The following PDE4A variants were observed in gnomAD, a reference collection of about 807,000 sequenced individuals.
PDE4A encodes the protein 3',5'-cyclic-AMP phosphodiesterase 4A.
A neutral mutation model predicts 73.9 loss-of-function variants in PDE4A; 21 were observed. That is an observed-to-expected ratio of 0.28 (90% confidence interval 0.20 to 0.41). The LOEUF is 0.41. Ranked by LOEUF, PDE4A falls within the 10% of genes least tolerant of loss-of-function variation. The pLI, the probability that PDE4A is intolerant of heterozygous loss-of-function variation, is 1.00. For synonymous variants in PDE4A, 463 were observed against 505.4 expected, an observed-to-expected ratio of 0.92 and a Z score of 1.13; for missense variants, 958 against 1,211.4, an observed-to-expected ratio of 0.79 and a Z score of 3.10.
intron 2 of PDE4A, 85 bp downstream of exon 2, chr19:10,446,494 C>T (rs2043006965): frequency 1.3e-6 from 2 of 1,500,846 alleles, no homozygotes; most frequent in African/African-American, 2.8e-5. Context: ...TCGGGGGGCA[C>T]CCACCCCTAT....
At chr19:10,422,074 C>T (rs1354496066) in intron 1 of PDE4A, among the ~76,000 whole-genome samples, 2 of 152,082 alleles carry the variant, frequency 1.3e-5, no homozygotes, top group African/African-American at 4.8e-5. Flanking sequence ...GTGACTGTCA[C>T]AGGGTGACTG....
At chr19:10,422,306 G>C (rs2042661372) in intron 1 of PDE4A, among the ~76,000 whole-genome samples, 1 of 152,204 alleles carries the variant, frequency 6.6e-6, no homozygotes, top group Non-Finnish European at 1.5e-5. Context: ...CACAGTGGCT[G>C]TGTGTTAGTC....
chr19:10,465,092 T>G (rs1200588238), intron 14 of PDE4A, among the ~76,000 whole-genome samples: 1 of 152,136 alleles, frequency 6.6e-6, no homozygotes, highest in African/African-American at 2.4e-5. Flanking sequence ...GACCTGAGTT[T>G]CTAGGCCTCA....
chr19:10,431,873 GTC>G (rs914554073), intron 1 of PDE4A, among the ~76,000 whole-genome samples: 1 of 151,896 alleles, frequency 6.6e-6, no homozygotes, highest in Non-Finnish European at 1.5e-5. Flanking sequence ...TTCTCTCCGG[GTC>G]TCTCTCTCTG....
At chr19:10,441,132 C>T (rs2042932334) in intron 1 of PDE4A, among the ~76,000 whole-genome samples, 1 of 151,848 alleles carries the variant, frequency 6.6e-6, no homozygotes, top group Non-Finnish European at 1.5e-5. Context: ...ACATCCCAGG[C>T]TCAAGTGATC....
rs768486819 is a variant in PDE4A, at chr19:10,453,245, G to C, written c.784-1584G>C. 2 of 1,608,240 alleles carry C rather than the reference G, an allele frequency of 1.2e-6. No homozygotes were observed. The highest frequency in any genetic ancestry group is 1.7e-5 in the Admixed American group (1 of 59,262). On this transcript the variant is annotated intron_variant, in intron 6 of 14. Transcript: ENST00000380702. This position sits in a 1 kb window ranked among gnomAD's most constrained non-coding sequence, Gnocchi z 4.6. ...CCAGCCTCTGTGTGCAGCAGCCCCAGGCGGGCTAAGTCTCCAAGATGCCCT... is the reference window on the plus strand; with the variant it reads ...CCAGCCTCTGTGTGCAGCAGCCCCACGCGGGCTAAGTCTCCAAGATGCCCT...
At chr19:10,465,039 T>G (rs2043341132) in intron 14 of PDE4A, among the ~76,000 whole-genome samples, 1 of 151,824 alleles carries the variant, frequency 6.6e-6, no homozygotes, top group Non-Finnish European at 1.5e-5. Context: ...ATATCCTCCC[T>G]GGTGAAACCC....
chr19:10,430,275 C>G (rs888783556), intron 1 of PDE4A, among the ~76,000 whole-genome samples: 2 of 151,950 alleles, frequency 1.3e-5, no homozygotes, highest in African/African-American at 4.8e-5. Flanking sequence ...TCAGGGCACT[C>G]CTGGGGCTTG....
rs77902432 is a variant in PDE4A, at chr19:10,454,109, C to T, written c.784-720C>T. On this transcript the variant is annotated intron_variant, in intron 6 of 14. Coordinates refer to ENST00000380702, the MANE Select transcript of PDE4A (RefSeq NM_001111307.2). Reference sequence around the variant, plus strand: ...GGGGACCAGGAGGGGCCTCCAAGCCCGGTTTTGGGTATACTCTGTTCATCT... The same window carrying T: ...GGGGACCAGGAGGGGCCTCCAAGCCTGGTTTTGGGTATACTCTGTTCATCT... Among the ~76,000 whole-genome samples, 20 of 152,190 alleles carry T rather than the reference C, an allele frequency of 1.3e-4. No individual in the cohort carries two copies. In the East Asian group the frequency reaches 2.1e-3, roughly 16 times the overall value.
chr19:10,438,806 A>G (rs2042899168), intron 1 of PDE4A, among the ~76,000 whole-genome samples: 2 of 151,762 alleles, frequency 1.3e-5, no homozygotes, highest in Non-Finnish European at 2.9e-5. Context: ...GGGTTTCTCC[A>G]TGTTGGTCAG....
intron 6 of PDE4A, 125 bp downstream of exon 6, chr19:10,451,066 T>G (rs1208530153): frequency 2.1e-6 from 2 of 948,544 alleles, no homozygotes; most frequent in Non-Finnish European, 3.2e-6. Flanking sequence ...AGGTTGTTCC[T>G]GTGGGCGGAG....
intron 1 of PDE4A, among the ~76,000 whole-genome samples, chr19:10,441,695 T>A (rs1390250377): frequency 0.01 from 1,509 of 145,246 alleles, 17 homozygotes; most frequent in Middle Eastern, 0.014. Flanking sequence ...TTTTTTTTTT[T>A]TTTTTTTTTT....
At chr19:10,456,032 C>G (rs934466533) in intron 7 of PDE4A, among the ~76,000 whole-genome samples, 3 of 150,270 alleles carry the variant, frequency 2.0e-5, no homozygotes, top group Admixed American at 1.3e-4. Flanking sequence ...TGGTATGACC[C>G]CCCCCCAATT....
chr19:10,460,429 G>A (rs934056504), intron 10 of PDE4A, among the ~76,000 whole-genome samples: 5 of 151,648 alleles, frequency 3.3e-5, no homozygotes, highest in Admixed American at 3.3e-4. Flanking sequence ...AACCCAGTAG[G>A]TGGAGGTTGC....
At chr19:10,438,230 A>G (rs964618588) in intron 1 of PDE4A, among the ~76,000 whole-genome samples, 2 of 151,648 alleles carry the variant, frequency 1.3e-5, no homozygotes, top group African/African-American at 4.8e-5. Context: ...CTCGTGCCTC[A>G]GCCTCCTGAG....
rs1215265149 is a variant in PDE4A at position 10,434,993 on chromosome 19, C to T, written c.321-11225C>T. ...GCAACCTCTGCTTCCCAGGCTCAAG[C>T]GATGCTCCAACAGGCATGAGCCACG... On this transcript the variant is annotated intron_variant, in intron 1 of 14. Transcript: ENST00000380702. Among the ~76,000 whole-genome samples the T allele has an allele frequency of 2.7e-5, 4 of 150,388 alleles. 1 individual carries two copies. The highest frequency in any genetic ancestry group is 9.8e-5 in the African/African-American group (4 of 40,700).
intron 1 of PDE4A, among the ~76,000 whole-genome samples, chr19:10,442,516 C>A (rs2042951416): frequency 6.6e-6 from 1 of 151,672 alleles, no homozygotes; most frequent in African/African-American, 2.4e-5. Flanking sequence ...AGAGTGAAAT[C>A]CTGTCTCAAA....
In PDE4A at chr19:10,453,106, A is replaced by C; in HGVS notation, c.784-1723A>C. 4 of 1,332,062 alleles carry C rather than the reference A, an allele frequency of 3.0e-6. No individual in the cohort carries two copies. The highest frequency in any genetic ancestry group is 3.8e-6 in the Non-Finnish European group (4 of 1,040,896). 82.5% of individuals were successfully genotyped at this position (1,332,062 alleles called of 1,614,324 possible). ...GCTGCTGCTGGGAGCGCGGAGGGGAAGGGAGCCCCCAGCCCTGCTGGGCCG... is the reference window on the plus strand; with the variant it reads ...GCTGCTGCTGGGAGCGCGGAGGGGACGGGAGCCCCCAGCCCTGCTGGGCCG... On this transcript the variant is annotated intron_variant, in intron 6 of 14. Coordinates refer to ENST00000380702, the MANE Select transcript of PDE4A (RefSeq NM_001111307.2). The surrounding 1 kb of genome is among the most constrained non-coding windows in gnomAD (Gnocchi z 4.6).
At chr19:10,449,226 G>A in intron 4 of PDE4A, 76 bp downstream of exon 4, 2 of 1,495,838 alleles carry the variant, frequency 1.3e-6, no homozygotes, top group Non-Finnish European at 1.8e-6. Flanking sequence ...GCCCTGCTGT[G>A]TGACCTCTGG....
Sources: gnomAD v4.1 joint callset for allele counts (sites outside exome capture counted in the v4.1 genomes callset) on GRCh38, gnomAD v4.1.1 for gene constraint, Gnocchi (gnomAD v3.1) non-coding constraint, MANE v1.5 for transcripts, NCBI Gene and HGNC (gene_info 2026-07-23, HGNC 2026-07-21) for gene names.